Variants in KSR2 observed in about 807,000 individuals in gnomAD.
KSR2 encodes kinase suppressor of ras 2.
In KSR2, 25 loss-of-function variants were observed where a neutral mutation model predicts 107.8. That is an observed-to-expected ratio of 0.23 (90% confidence interval 0.17 to 0.32). The LOEUF is 0.32. Ranked by LOEUF, KSR2 falls within the 10% of genes least tolerant of loss-of-function variation. The pLI is 1.00. For missense variants in KSR2, 887 were observed against 1,268.9 expected, an observed-to-expected ratio of 0.70 and a Z score of 4.57; for synonymous variants, 480 against 507.0, an observed-to-expected ratio of 0.95 and a Z score of 0.71.
In KSR2 at chr12:117,513,225, T is replaced by A. The variant is rs191691015; in HGVS notation, c.2219+11627A>T. Among the ~76,000 whole-genome samples, 448 of 152,334 alleles carry A rather than the reference T, an allele frequency of 2.9e-3. 4 individuals are homozygous for A. The highest frequency in any genetic ancestry group is 0.01 in the African/African-American group (431 of 41,574). On this transcript the variant is annotated intron_variant, in intron 14 of 19. Transcript: ENST00000339824. Reference sequence around the variant, plus strand: ...GCCAGTCATTATCAAGATTTATTTATCCTCACAGCTCTCCATTGATTGAGG... The same window carrying A: ...GCCAGTCATTATCAAGATTTATTTAACCTCACAGCTCTCCATTGATTGAGG...
chr12:117,531,713 A>C lies in KSR2; in HGVS notation c.1688-6T>G, dbSNP rs1875648075. On this transcript the variant is annotated splice_polypyrimidine_tract_variant and splice_region_variant and intron_variant, in intron 10 of 19. Coordinates refer to ENST00000339824, the MANE Select transcript of KSR2 (RefSeq NM_173598.6). ...GTATTTGTAGTAGTGGGATGCTTGC[A>C]AAAGAAAGAAAACATCAAAGTGAGT... 1.9e-6 allele frequency: 3 copies of C among 1,597,060 alleles called. No individual in the cohort carries two copies. The highest frequency in any genetic ancestry group is 1.1e-5 in the South Asian group (1 of 87,770).
intron 5 of KSR2, among the ~76,000 whole-genome samples, chr12:117,664,932 T>C (rs1286932612): frequency 6.6e-6 from 1 of 152,030 alleles, no homozygotes; most frequent in Non-Finnish European, 1.5e-5. Flanking sequence ...GCGGCAACAC[T>C]GAGATTCCAA....
chr12:117,948,448 C>T (rs1400669379), intron 1 of KSR2, among the ~76,000 whole-genome samples: 1 of 151,450 alleles, frequency 6.6e-6, no homozygotes, highest in Admixed American at 6.6e-5. Context: ...CCAGATCGCG[C>T]CATTGCACTC....
intron 4 of KSR2, among the ~76,000 whole-genome samples, chr12:117,718,835 A>C (rs1887099974): frequency 6.6e-6 from 1 of 152,160 alleles, no homozygotes. Flanking sequence ...CTGCGTGTTG[A>C]TCCCCGCTAT....
chr12:117,932,423 A>C (rs931874881), intron 1 of KSR2, among the ~76,000 whole-genome samples: 1 of 152,074 alleles, frequency 6.6e-6, no homozygotes, highest in African/African-American at 2.4e-5. Flanking sequence ...CTACAGTCAA[A>C]AATAAGAACA....
intron 3 of KSR2, among the ~76,000 whole-genome samples, chr12:117,821,009 C>T (rs1463386012): frequency 6.6e-6 from 1 of 152,130 alleles, no homozygotes; most frequent in African/African-American, 2.4e-5. Context: ...GGTTCAGATC[C>T]TCTGCCACTC....
chr12:117,761,271 C>G lies in KSR2; in HGVS notation c.726G>C (p.Glu242Asp). The change falls in exon 4 of 20, where the codon GAG becomes GAC. Residue 242 changes from glutamate (E) to aspartate (D), a missense_variant. By Grantham distance (45) the Glu-to-Asp change is conservative. Transcript: ENST00000339824. ...YPGLCPPPPL[E>D]SGHRSLPPSP... ...ATGGGGGCAGGGAACGGTGGCCCGACTCCAGTGGCGGGGGCGGGCACAAGC... is the reference window on the plus strand; with the variant it reads ...ATGGGGGCAGGGAACGGTGGCCCGAGTCCAGTGGCGGGGGCGGGCACAAGC... The G allele has an allele frequency of 6.5e-7, 1 of 1,527,748 alleles. No homozygotes were observed. The highest frequency in any genetic ancestry group is 8.8e-7 in the Non-Finnish European group (1 of 1,140,960). The allele number at this position is 1,527,748 out of a possible 1,614,324, so 94.6% of individuals were successfully genotyped here. A position where few individuals can be genotyped will look rare whatever the true frequency, so the allele number is the denominator to read the frequency against.
chr12:117,744,802 G>A (rs1018323993), intron 4 of KSR2, among the ~76,000 whole-genome samples: 7 of 152,106 alleles, frequency 4.6e-5, no homozygotes, highest in Non-Finnish European at 8.8e-5. Context: ...AAAAGCATTG[G>A]GGGTTCTATC....
chr12:117,559,737 C>T (rs1223971221), intron 7 of KSR2, among the ~76,000 whole-genome samples: 1 of 152,178 alleles, frequency 6.6e-6, no homozygotes, highest in Non-Finnish European at 1.5e-5. Flanking sequence ...CCTGGAGTTG[C>T]CTGACTTCAC....
chr12:117,876,185 C>T (rs941932134), intron 1 of KSR2, among the ~76,000 whole-genome samples: 1 of 152,214 alleles, frequency 6.6e-6, no homozygotes, highest in African/African-American at 2.4e-5. Context: ...GTTGCCAGGG[C>T]GACCATTGTC....
At position 117,480,022 on chromosome 12, in the gene KSR2, A is replaced by G. The variant is rs867126162; in HGVS notation, c.2451-3427T>C. Among the ~76,000 whole-genome samples the G allele has an allele frequency of 2.0e-3, 283 of 142,192 alleles. 2 individuals carry two copies. The highest frequency in any genetic ancestry group is 8.4e-3 in the East Asian group (41 of 4,898). 93.3% of individuals were successfully genotyped at this position (142,192 alleles called of 152,430 possible). On this transcript the variant is annotated intron_variant, in intron 16 of 19. Coordinates refer to ENST00000339824, the MANE Select transcript of KSR2 (RefSeq NM_173598.6). ...CAATTACTGGACATAATCATTACAC[A>G]TGTGTATGTGTGTGTGTGTGTGTGT...
chr12:117,820,897 G>A (rs372938014), intron 3 of KSR2, among the ~76,000 whole-genome samples: 49 of 152,282 alleles, frequency 3.2e-4, no homozygotes, highest in African/African-American at 7.9e-4. Context: ...CAAGACCTCC[G>A]AAAGAGCCAT....
At chr12:117,739,249 G>A (rs372633094) in intron 4 of KSR2, among the ~76,000 whole-genome samples, 134 of 152,084 alleles carry the variant, frequency 8.8e-4, no homozygotes, top group African/African-American at 3.2e-3. Flanking sequence ...CAGCTACTCG[G>A]GAGGCTGAGG....
intron 9 of KSR2, among the ~76,000 whole-genome samples, chr12:117,540,285 A>G (rs1876390023): frequency 6.6e-6 from 1 of 152,166 alleles, no homozygotes; most frequent in Admixed American, 6.5e-5. Flanking sequence ...TGACAGCTCC[A>G]GAGAGAATGT....
At position 117,860,408 on chromosome 12, in the gene KSR2, G is replaced by A; in HGVS notation, c.204C>T (p.Ser68=). The change falls in exon 2 of 20, where the codon AGC becomes AGT. Residue 68 remains serine, a synonymous_variant. Coordinates refer to ENST00000339824, the MANE Select transcript of KSR2 (RefSeq NM_173598.6). ...CCTTCTTTTTGCAGGACAGCTGCCG[G>A]CTGAAGTACTTCACCAGCTTGCTCT... ...TLESKLVKYF[S]RQLSCKKKVA... is the part of the protein sequence containing the mutation. 2 of 1,610,794 alleles carry A rather than the reference G, an allele frequency of 1.2e-6. No homozygotes were observed. The highest frequency in any genetic ancestry group is 1.7e-6 in the Non-Finnish European group (2 of 1,178,740).
chr12:117,806,226 G>T (rs781727837), intron 3 of KSR2, among the ~76,000 whole-genome samples: 13 of 152,170 alleles, frequency 8.5e-5, no homozygotes, highest in Admixed American at 2.6e-4. Context: ...CTGGCCCGGG[G>T]CTTTGCTGCT....
At chr12:117,509,790 C>G (rs1412024058) in intron 14 of KSR2, among the ~76,000 whole-genome samples, 2 of 152,182 alleles carry the variant, frequency 1.3e-5, no homozygotes, top group Non-Finnish European at 2.9e-5. Flanking sequence ...TTGAAGATAC[C>G]TGATCTGTTC....
chr12:117,898,681 G>C (rs535850078), intron 1 of KSR2, among the ~76,000 whole-genome samples: 4 of 151,922 alleles, frequency 2.6e-5, no homozygotes, highest in African/African-American at 9.7e-5. Context: ...GGGGTACAGT[G>C]TCCATCAACA....
intron 3 of KSR2, among the ~76,000 whole-genome samples, chr12:117,787,056 G>C (rs1890102878): frequency 1.3e-5 from 2 of 151,690 alleles, no homozygotes; most frequent in African/African-American, 4.8e-5. Flanking sequence ...ATGTATATCA[G>C]CTCTCAGCTC....
Sources: gnomAD v4.1 joint callset for allele counts (sites outside exome capture counted in the v4.1 genomes callset) on GRCh38, gnomAD v4.1.1 for gene constraint, MANE v1.5 for transcripts, NCBI Gene and HGNC (gene_info 2026-07-23, HGNC 2026-07-21) for gene names.